NGEF: variants seen among roughly 807,000 people sequenced by gnomAD.
NGEF encodes the protein ephexin-1.
Under a neutral mutation model 80.9 loss-of-function variants are expected in NGEF, and 31 were observed. The ratio of observed to expected loss-of-function variants is 0.38; its 90% CI spans 0.29 to 0.52. NGEF has a LOEUF of 0.52. Ranked by LOEUF, NGEF falls within the 20% of genes least tolerant of loss-of-function variation. The pLI is 0.84. For missense variants in NGEF, 709 were observed against 926.2 expected, an observed-to-expected ratio of 0.77 and a Z score of 3.04; for synonymous variants, 371 against 370.2, an observed-to-expected ratio of 1.00 and a Z score of -0.03.
At chr2:232,893,073 G>A (rs1209615890) in intron 6 of NGEF, 23 bp from the exon 7 acceptor site, 1 of 1,605,036 alleles carries the variant, frequency 6.2e-7, no homozygotes. Context: ...GCGGCTTGAG[G>A]CGGAGGGTGC....
chr2:232,882,845 A>G (rs1368392974), intron 12 of NGEF, among the ~76,000 whole-genome samples: 1 of 152,120 alleles, frequency 6.6e-6, no homozygotes, highest in East Asian at 1.9e-4. Context: ...CTCTCCCCAC[A>G]TTTAGCTTGC....
Position 232,879,287 on chromosome 2 carries a change from T to A in NGEF, c.*202A>T, listed in dbSNP as rs1691404404. 1 of 560,922 alleles carries A rather than the reference T, an allele frequency of 1.8e-6. No homozygotes were observed. The highest frequency in any genetic ancestry group is 1.9e-5 in the African/African-American group (1 of 53,556). The allele number at this position is 560,922 out of a possible 1,614,324, so 34.7% of individuals were successfully genotyped here. On this transcript the variant is annotated 3_prime_UTR_variant, in exon 15 of 15. Transcript: ENST00000264051. ...TGTTTACAAATGCATCAGGAGAGGCTTGGGCACCCTTTATCCAGTTTGCGA... is the reference window on the plus strand; with the variant it reads ...TGTTTACAAATGCATCAGGAGAGGCATGGGCACCCTTTATCCAGTTTGCGA...
At position 232,927,114 on chromosome 2, in the gene NGEF, C is replaced by G. The variant is rs572666943; in HGVS notation, c.456G>C (p.Thr152=). ...GGATCATCCGCAGGGCCTCGGTGAGCGTGGTGGGGCTGTCGGCCAGGGCCG... is the reference window on the plus strand; with the variant it reads ...GGATCATCCGCAGGGCCTCGGTGAGGGTGGTGGGGCTGTCGGCCAGGGCCG... ...EWPALADSPT[T]LTEALRMIHP... is the part of the protein sequence containing the mutation. Residue 152 remains threonine (T), a synonymous_variant, in exon 4 of 15, where the codon ACG becomes ACC. Transcript: ENST00000264051. 1 of 1,613,028 alleles carries G rather than the reference C, an allele frequency of 6.2e-7. No individual in the cohort carries two copies. The highest frequency in any genetic ancestry group is 1.1e-5 in the South Asian group (1 of 90,988).
chr2:232,924,397 TTCCCAACC>T (rs1235334388), intron 4 of NGEF, among the ~76,000 whole-genome samples: 1 of 152,048 alleles, frequency 6.6e-6, no homozygotes, highest in African/African-American at 2.4e-5. Flanking sequence ...GATCTTGGAC[TTCCCAACC>T]TCCAGAACTG....
At chr2:232,885,437 T>C in intron 9 of NGEF, 68 bp from the exon 10 acceptor site, 1 of 1,360,512 alleles carries the variant, frequency 7.4e-7, no homozygotes, top group East Asian at 2.3e-5. Context: ...TCCAGCTCGG[T>C]CAGGCCACAG....
At chr2:232,940,688 A>C (rs530372177) in intron 3 of NGEF, among the ~76,000 whole-genome samples, 1 of 152,380 alleles carries the variant, frequency 6.6e-6, no homozygotes, top group Admixed American at 6.5e-5. Context: ...CTGGAAAGAC[A>C]TCCATAGTAT....
intron 5 of NGEF, among the ~76,000 whole-genome samples, chr2:232,909,811 A>G (rs1692655127): frequency 6.6e-6 from 1 of 152,162 alleles, no homozygotes; most frequent in Non-Finnish European, 1.5e-5. Flanking sequence ...TGCCAATGAG[A>G]TCTGTTTTCT....
chr2:232,911,639 C>T (rs1692693589), intron 5 of NGEF, among the ~76,000 whole-genome samples: 1 of 152,134 alleles, frequency 6.6e-6, no homozygotes, highest in Non-Finnish European at 1.5e-5. Context: ...AATCCATAAA[C>T]AGTTTGTCTC....
At chr2:232,883,247 G>A in intron 12 of NGEF, 64 bp downstream of exon 12, 1 of 1,522,414 alleles carries the variant, frequency 6.6e-7, no homozygotes, top group African/African-American at 1.4e-5. Flanking sequence ...CAGGCCCATA[G>A]GCATCGAGGC....
At chr2:232,993,165 ATTATATATATAAATAAATATATATAT>A (rs1694697394) in intron 1 of NGEF, among the ~76,000 whole-genome samples, 1 of 118,046 alleles carries the variant, frequency 8.5e-6, no homozygotes, top group African/African-American at 3.3e-5. Context: ...ATATATATAT[ATTATATATATAAATAAATATATATAT>A]TTATTTATAT....
chr2:232,928,479 C>G (rs1346288471), intron 3 of NGEF, among the ~76,000 whole-genome samples: 1 of 151,972 alleles, frequency 6.6e-6, no homozygotes, highest in African/African-American at 2.4e-5. Context: ...CCAGTGCCCG[C>G]AGACCTCCGC....
rs761289065 is a variant in NGEF at position 232,888,077 on chromosome 2, C to T, written c.1303G>A (p.Glu435Lys). Residue 435 changes from glutamate to lysine, a missense_variant, in exon 9 of 15, where the codon GAG becomes AAG. This residue lies in a region of NGEF where 426 missense variants were observed against 622.9 expected (regional missense o/e 0.68). Coordinates refer to ENST00000264051, the MANE Select transcript of NGEF (RefSeq NM_019850.3). ...GCATCCAAAGCAGTGCACTCCCGCT[C>T]AGACCTCTCTTCTACCCTCTTCAGG... ...NILKRVEERS[E>K]RECTALDAHK... 45 of 1,612,732 alleles carry T rather than the reference C, an allele frequency of 2.8e-5. No homozygotes were observed. Among genetic ancestry groups the T allele is most frequent in the Non-Finnish European group, 3.3e-5 (39 of 1,179,628 alleles).
intron 1 of NGEF, among the ~76,000 whole-genome samples, chr2:232,981,920 G>A (rs1411774713): frequency 6.6e-6 from 1 of 152,222 alleles, no homozygotes; most frequent in Admixed American, 6.5e-5. Flanking sequence ...GCTGGGGACA[G>A]CTCAGTGAGA....
At chr2:232,950,109 G>A (rs556488966) in intron 3 of NGEF, among the ~76,000 whole-genome samples, 147 of 152,362 alleles carry the variant, frequency 9.6e-4, no homozygotes, top group Non-Finnish European at 1.9e-3. Context: ...ACTGCACCCA[G>A]CCAGAAATAT....
chr2:232,927,153 C>G lies in NGEF; in HGVS notation c.417G>C (p.Thr139=), dbSNP rs749146030. Residue 139 remains threonine (T), a synonymous_variant, in exon 4 of 15, where the codon ACG becomes ACC. Coordinates refer to ENST00000264051, the MANE Select transcript of NGEF (RefSeq NM_019850.3). ...ESSSTPGNGA[T]PEEWPALADS... ...CGGCCAGGGCCGGCCACTCCTCGGGCGTGGCCCCATTTCCCGGGGTGGAGG... is the reference window on the plus strand; with the variant it reads ...CGGCCAGGGCCGGCCACTCCTCGGGGGTGGCCCCATTTCCCGGGGTGGAGG... The G allele has an allele frequency of 1.2e-6, 2 of 1,603,436 alleles. No individual in the cohort carries two copies. Among genetic ancestry groups the G allele is most frequent in the Admixed American group, 3.5e-5 (2 of 57,668 alleles).
chr2:232,996,400 C>T (rs1433539894), intron 1 of NGEF, among the ~76,000 whole-genome samples: 1 of 152,118 alleles, frequency 6.6e-6, no homozygotes, highest in African/African-American at 2.4e-5. Flanking sequence ...TGTGTTAGTG[C>T]TAAGGCTGCA....
At chr2:232,888,234 A>G (rs1002758515) in intron 8 of NGEF, 127 bp from the exon 9 acceptor site, 54 of 630,090 alleles carry the variant, frequency 8.6e-5, no homozygotes, top group East Asian at 8.3e-4. Context: ...ACACACACAC[A>G]CACGCACGCA....
At chr2:233,003,133 T>TA (rs1695015153) in intron 1 of NGEF, among the ~76,000 whole-genome samples, 1 of 152,162 alleles carries the variant, frequency 6.6e-6, no homozygotes, top group Non-Finnish European at 1.5e-5. Flanking sequence ...CCATGTGAGT[T>TA]AATCGTGAAT....
At chr2:232,894,247 AAGCACAGCTCCCAG>A (rs1239364304) in intron 6 of NGEF, among the ~76,000 whole-genome samples, 2 of 152,234 alleles carry the variant, frequency 1.3e-5, no homozygotes, top group Admixed American at 6.5e-5. Context: ...TCCCTGCTGG[AAGCACAGCTCCCAG>A]AGCTGTGGAA....
Sources: allele counts gnomAD v4.1 joint callset (sites outside exome capture counted in the v4.1 genomes callset), GRCh38; gene constraint gnomAD v4.1.1; regional missense constraint gnomAD v4.1.1; transcripts MANE v1.5; gene names NCBI Gene and HGNC (gene_info 2026-07-23, HGNC 2026-07-21).